Variants in RPTOR observed in about 807,000 individuals in gnomAD.
The protein encoded by RPTOR is regulatory-associated protein of mTOR.
RPTOR carries 21 observed loss-of-function variants against 169.9 expected under a neutral mutation model. The observed-to-expected ratio is 0.12, with a 90% CI of 0.09 to 0.18. RPTOR has a LOEUF of 0.18. Ranked by LOEUF, RPTOR falls within the 10% of genes least tolerant of loss-of-function variation. The pLI is 1.00. For missense variants in RPTOR, 1,133 were observed against 1,855.9 expected, an observed-to-expected ratio of 0.61 and a Z score of 7.16; for synonymous variants, 732 against 753.2, an observed-to-expected ratio of 0.97 and a Z score of 0.46.
At chr17:80,964,112 G>C in intron 33 of RPTOR, 150 bp from the exon 34 acceptor site, 1 of 684,524 alleles carries the variant, frequency 1.5e-6, no homozygotes, top group Admixed American at 2.2e-5. Context: ...TGGTGGGACC[G>C]GCCCGGCATT....
chr17:80,950,649 A>T (rs1464733665), intron 28 of RPTOR, among the ~76,000 whole-genome samples: 1 of 151,956 alleles, frequency 6.6e-6, no homozygotes, highest in East Asian at 1.9e-4. Context: ...CTTCTGGGGT[A>T]TGACAGCTTC....
At chr17:80,629,719 A>G (rs537442203) in intron 2 of RPTOR, among the ~76,000 whole-genome samples, 43 of 121,292 alleles carry the variant, frequency 3.5e-4, no homozygotes, top group East Asian at 1.3e-3. Flanking sequence ...CAGCTCTTCC[A>G]TGTGTCTCTC....
intron 7 of RPTOR, chr17:80,805,748 C>T (rs892701135): frequency 6.6e-6 from 1 of 152,210 alleles, no homozygotes; most frequent in Non-Finnish European, 1.5e-5. Flanking sequence ...CCCCTCGCCT[C>T]GCTGTGGCCC....
At position 80,707,748 on chromosome 17, in the gene RPTOR, A is replaced by T. The variant is rs896520359; in HGVS notation, c.349-93A>T. ...GCCATGTGTCCAGGACCACACAGCT[A>T]TTAACTGCAAACCCAGAGGAAAGGG... On this transcript the variant is annotated intron_variant, in intron 3 of 33. Transcript: ENST00000306801. This position sits in a 1 kb window ranked among gnomAD's most constrained non-coding sequence, Gnocchi z 5.0. 16 of 1,258,066 alleles carry T rather than the reference A, an allele frequency of 1.3e-5. No homozygotes were observed. Among genetic ancestry groups the T allele is most frequent in the Non-Finnish European group, 1.7e-5 (15 of 900,366 alleles). The allele number at this position is 1,258,066 out of a possible 1,614,324, so 77.9% of individuals were successfully genotyped here. A position where few individuals can be genotyped will look rare whatever the true frequency, so the allele number is the denominator to read the frequency against.
intron 25 of RPTOR, among the ~76,000 whole-genome samples, chr17:80,944,006 AC>A (rs1014149127): frequency 6.6e-6 from 1 of 152,208 alleles, no homozygotes; most frequent in African/African-American, 2.4e-5. Context: ...AGGCTTATGC[AC>A]CCACAGATCC....
chr17:80,554,673 G>T (rs2084384712), intron 1 of RPTOR, among the ~76,000 whole-genome samples: 2 of 152,042 alleles, frequency 1.3e-5, no homozygotes, highest in Admixed American at 1.3e-4. Flanking sequence ...GAACCCGGGA[G>T]GCAGAGCTTG....
At chr17:80,604,827 G>A (rs2065216953) in intron 1 of RPTOR, among the ~76,000 whole-genome samples, 1 of 151,990 alleles carries the variant, frequency 6.6e-6, no homozygotes, top group South Asian at 2.1e-4. Context: ...CCATCCGCGC[G>A]ATTCAATTAC....
At chr17:80,918,539 AGCACCCTCACGGGGGTCATAGCCATGAG>A (rs2068707383) in intron 21 of RPTOR, among the ~76,000 whole-genome samples, 1 of 72,256 alleles carries the variant, frequency 1.4e-5, no homozygotes, top group African/African-American at 4.8e-5. Context: ...CATAGCCATG[AGCACCCTCACGGGGGTCATAGCCATGAG>A]GCACTAGGTT....
At chr17:80,814,683 A>G (rs559673711) in intron 7 of RPTOR, among the ~76,000 whole-genome samples, 2 of 152,322 alleles carry the variant, frequency 1.3e-5, no homozygotes, top group African/African-American at 4.8e-5. Context: ...GCCATCAAAT[A>G]TGTACACGGC....
chr17:80,892,936 T>G (rs1001789193), intron 19 of RPTOR, 67 bp downstream of exon 19: 1 of 1,564,650 alleles, frequency 6.4e-7, no homozygotes. Context: ...AAACACTGTA[T>G]CTGAGTAAGC....
intron 1 of RPTOR, among the ~76,000 whole-genome samples, chr17:80,553,486 G>C (rs2084369656): frequency 6.6e-6 from 1 of 152,218 alleles, no homozygotes; most frequent in Non-Finnish European, 1.5e-5. Context: ...ACTTGTATCT[G>C]CCGCTGTGAG....
chr17:80,709,065 G>GC, intron 4 of RPTOR: 1 of 985,414 alleles, frequency 1.0e-6, no homozygotes, highest in Non-Finnish European at 1.2e-6. Flanking sequence ...CCTCGAGGAA[G>GC]GCTTCTGACC....
chr17:80,920,797 GT>G (rs772695348), intron 21 of RPTOR, among the ~76,000 whole-genome samples: 2 of 152,200 alleles, frequency 1.3e-5, no homozygotes, highest in Non-Finnish European at 2.9e-5. Flanking sequence ...ACCTCCCACT[GT>G]TTTTCCAGAC....
chr17:80,669,624 T>C (rs1300090463), intron 3 of RPTOR, among the ~76,000 whole-genome samples: 1 of 152,236 alleles, frequency 6.6e-6, no homozygotes, highest in African/African-American at 2.4e-5. Flanking sequence ...CCTCAGGTGA[T>C]CCGCCCGCCT....
At chr17:80,884,919 G>A (rs2068227056) in intron 16 of RPTOR, 89 bp from the exon 17 acceptor site, 1 of 1,494,674 alleles carries the variant, frequency 6.7e-7, no homozygotes, top group African/African-American at 1.4e-5. Flanking sequence ...TGTGGGGTTG[G>A]ATTCACCTGC....
intron 3 of RPTOR, among the ~76,000 whole-genome samples, chr17:80,670,495 C>G (rs757384794): frequency 9.2e-5 from 14 of 152,194 alleles, no homozygotes; most frequent in Non-Finnish European, 2.1e-4. Context: ...GCTGCTTCGT[C>G]TTTTTCTATT....
At chr17:80,596,770 G>A (rs566784558) in intron 1 of RPTOR, among the ~76,000 whole-genome samples, 12 of 152,306 alleles carry the variant, frequency 7.9e-5, no homozygotes, top group African/African-American at 2.9e-4. Flanking sequence ...GATCCAAAGA[G>A]AGGCTAGCTT....
In RPTOR at chr17:80,754,402, G is replaced by C. The variant is rs1250981419; in HGVS notation, c.830+217G>C. Reference sequence around the variant, plus strand: ...TCCTTCTTCCTTCTGATCTGTTCGTGGGCAGCTCACTGCTTTGCGATTTCC... The same window carrying C: ...TCCTTCTTCCTTCTGATCTGTTCGTCGGCAGCTCACTGCTTTGCGATTTCC... On this transcript the variant is annotated intron_variant, in intron 6 of 33. Coordinates refer to ENST00000306801, the MANE Select transcript of RPTOR (RefSeq NM_020761.3). The surrounding 1 kb of genome is among the most constrained non-coding windows in gnomAD (Gnocchi z 4.2). 6.6e-6 allele frequency among the ~76,000 whole-genome samples: 1 copy of C among 152,130 alleles called. No homozygotes were observed. Among genetic ancestry groups the C allele is most frequent in the African/African-American group, 2.4e-5 (1 of 41,416 alleles).
At chr17:80,925,208 C>T (rs1008993181) in intron 23 of RPTOR, among the ~76,000 whole-genome samples, 162 bp from the exon 24 acceptor site, 5 of 152,212 alleles carry the variant, frequency 3.3e-5, no homozygotes, top group African/African-American at 1.2e-4. Context: ...TTCTTGGTCA[C>T]CAGGATACGG....
Sources: allele counts gnomAD v4.1 joint callset (sites outside exome capture counted in the v4.1 genomes callset), GRCh38; gene constraint gnomAD v4.1.1; non-coding constraint Gnocchi (gnomAD v3.1); transcripts MANE v1.5; gene names NCBI Gene and HGNC (gene_info 2026-07-23, HGNC 2026-07-21).